XIRP2: variants seen among roughly 807,000 people sequenced by gnomAD.
XIRP2 encodes xin actin binding repeat containing 2, also known as xin actin-binding repeat-containing protein 2.
In XIRP2, 236 loss-of-function variants were observed where a neutral mutation model predicts 277.0. The ratio of observed to expected loss-of-function variants is 0.85; its 90% confidence interval spans 0.77 to 0.95. The LOEUF is 0.95. XIRP2 is among the 40% of genes least tolerant of loss of function. The probability of loss-of-function intolerance (pLI) is 0.00; values close to 1 mark genes in which losing one functional copy is unlikely to be tolerated. For missense variants in XIRP2, 4,640 were observed against 4,157.5 expected (o/e 1.12, Z -3.19); for synonymous variants, 1,490 against 1,416.5 (o/e 1.05, Z -1.17).
intron 3 of XIRP2, among the ~76,000 whole-genome samples, chr2:167,208,748 T>G (rs1327659743): frequency 6.6e-6 from 1 of 152,192 alleles, no homozygotes; most frequent in East Asian, 1.9e-4. Flanking sequence ...TTTGTAAATT[T>G]TAACCAAAAA....
chr2:167,222,319 A>G (rs996475977), intron 5 of XIRP2, among the ~76,000 whole-genome samples: 1 of 152,172 alleles, frequency 6.6e-6, no homozygotes, highest in African/African-American at 2.4e-5. Context: ...TATGAAAATT[A>G]GGAAAAGGAG....
chr2:167,029,509 T>A (rs1341676167), intron 2 of XIRP2, among the ~76,000 whole-genome samples: 1 of 152,150 alleles, frequency 6.6e-6, no homozygotes, highest in East Asian at 1.9e-4. Flanking sequence ...GGAATACGTT[T>A]ATAGATTTTC....
At chr2:167,124,046 C>A (rs1346328525) in intron 2 of XIRP2, 1 of 152,066 alleles carries the variant, frequency 6.6e-6, no homozygotes, top group Non-Finnish European at 1.5e-5. Flanking sequence ...TTGATAAAAT[C>A]ATAAATAATT....
chr2:167,242,318 A>T (rs998537192), intron 8 of XIRP2, among the ~76,000 whole-genome samples: 1 of 152,164 alleles, frequency 6.6e-6, no homozygotes, highest in African/African-American at 2.4e-5. Context: ...ATTATGTGTA[A>T]ATTTTAAAAT....
chr2:167,202,727 G>A (rs1434307124), intron 3 of XIRP2, among the ~76,000 whole-genome samples: 1 of 152,172 alleles, frequency 6.6e-6, no homozygotes, highest in East Asian at 1.9e-4. Context: ...TCAGTTTCCT[G>A]TTGCTGCTGC....
chr2:166,943,221 T>C (rs1375774043), intron 2 of XIRP2, among the ~76,000 whole-genome samples: 1 of 152,110 alleles, frequency 6.6e-6, no homozygotes, highest in Non-Finnish European at 1.5e-5. Context: ...AATAGAAATA[T>C]TTGTACCTTT....
At chr2:166,925,589 G>GTATATATATATATATA (rs1470366389) in intron 2 of XIRP2, among the ~76,000 whole-genome samples, 1 of 106,008 alleles carries the variant, frequency 9.4e-6, no homozygotes, top group African/African-American at 4.5e-5. Flanking sequence ...GTGTGTATGT[G>GTATATATATATATATA]TATATACATA....
intron 4 of XIRP2, 29 bp downstream of exon 4, chr2:167,210,924 G>A (rs766961334): frequency 1.2e-6 from 2 of 1,612,176 alleles, no homozygotes; most frequent in East Asian, 2.2e-5. Flanking sequence ...TTTTGCACTA[G>A]GCAATGTGCT....
chr2:167,024,568 C>T (rs548274625), intron 2 of XIRP2, among the ~76,000 whole-genome samples: 1 of 152,094 alleles, frequency 6.6e-6, no homozygotes, highest in African/African-American at 2.4e-5. Context: ...TTTGCCCATT[C>T]AGTATGATAT....
In XIRP2 at chr2:167,248,490, T is replaced by C. The variant is rs868712714; in HGVS notation, c.7098T>C (p.Pro2366=). 1 of 1,610,340 alleles carries C rather than the reference T, an allele frequency of 6.2e-7. No homozygotes were observed. Among genetic ancestry groups the C allele is most frequent in the South Asian group, 1.1e-5 (1 of 90,862 alleles). ...ERESSSMFLP[P]PPPPTPSQKP... The stretch of plus-strand genomic sequence containing the variant: ...AAAGTTCATCGATGTTTCTGCCGCC[T>C]CCTCCTCCTCCAACTCCATCTCAAA... The change falls in exon 9 of 11, where the codon CCT becomes CCC. Residue 2366 remains proline, a synonymous_variant. Transcript: ENST00000409195.
At position 167,011,835 on chromosome 2, in the gene XIRP2, C is replaced by G. The variant is rs367904813; in HGVS notation, c.408+107945C>G. Among the ~76,000 whole-genome samples the G allele has an allele frequency of 4.8e-4, 73 of 151,274 alleles. No individual in the cohort carries two copies. The East Asian group carries it at 6.8e-3, about 14-fold the overall frequency. On this transcript the variant is annotated intron_variant, in intron 2 of 10. Coordinates refer to ENST00000409195, the MANE Select transcript of XIRP2 (RefSeq NM_152381.6). ...TGTGTCGAGGAATTTATCCATTTCT[C>G]CTAGATTTTCTAGTTTATTTGCGAA...
At chr2:167,119,827 C>T (rs1389109818) in intron 2 of XIRP2, among the ~76,000 whole-genome samples, 2 of 152,162 alleles carry the variant, frequency 1.3e-5, no homozygotes, top group Admixed American at 1.3e-4. Context: ...TTTTCTCCCT[C>T]ATTGCTGCAA....
At chr2:167,107,138 A>T (rs535315465) in intron 2 of XIRP2, among the ~76,000 whole-genome samples, 31 of 151,916 alleles carry the variant, frequency 2.0e-4, no homozygotes, top group Admixed American at 9.8e-4. Context: ...GTCATCTGCA[A>T]ATAGGCACAG....
At chr2:167,226,144 G>A (rs1694594767) in intron 5 of XIRP2, among the ~76,000 whole-genome samples, 1 of 152,152 alleles carries the variant, frequency 6.6e-6, no homozygotes, top group Non-Finnish European at 1.5e-5. Context: ...TCTGCAAGAA[G>A]TGGAAATGCA....
At chr2:166,918,357 C>T (rs1684945420) in intron 2 of XIRP2, among the ~76,000 whole-genome samples, 2 of 151,886 alleles carry the variant, frequency 1.3e-5, no homozygotes, top group African/African-American at 4.8e-5. Context: ...CAAAATTTTC[C>T]CTATTTATTC....
intron 2 of XIRP2, among the ~76,000 whole-genome samples, chr2:167,027,071 T>A (rs1688182901): frequency 6.6e-6 from 1 of 152,174 alleles, no homozygotes; most frequent in Non-Finnish European, 1.5e-5. Context: ...ATTGGGGAAG[T>A]TCTCCTGGAT....
intron 3 of XIRP2, among the ~76,000 whole-genome samples, chr2:167,181,869 T>C (rs1693018962): frequency 6.6e-6 from 1 of 152,172 alleles, no homozygotes; most frequent in African/African-American, 2.4e-5. Flanking sequence ...ATTTGGCTCA[T>C]TGGTCAGGTG....
intron 2 of XIRP2, among the ~76,000 whole-genome samples, chr2:167,017,542 AT>A (rs1486185748): frequency 6.6e-6 from 1 of 151,928 alleles, no homozygotes; most frequent in Non-Finnish European, 1.5e-5. Flanking sequence ...TTGTAGTTCA[AT>A]GGGAAACTTG....
chr2:166,901,283 G>A (rs992535399), intron 1 of XIRP2, among the ~76,000 whole-genome samples: 2 of 151,998 alleles, frequency 1.3e-5, no homozygotes, highest in African/African-American at 4.8e-5. Flanking sequence ...GGAATTCACC[G>A]CCTTATTGTT....
Sources: gnomAD v4.1 joint callset for allele counts (sites outside exome capture counted in the v4.1 genomes callset) on GRCh38, gnomAD v4.1.1 for gene constraint, MANE v1.5 for transcripts, NCBI Gene and HGNC (gene_info 2026-07-23, HGNC 2026-07-21) for gene names.